Variants in ALK observed in about 807,000 individuals in gnomAD.
ALK encodes the protein ALK tyrosine kinase receptor.
Under a neutral mutation model 163.1 loss-of-function variants are expected in ALK, and 74 were observed. The ratio of observed to expected loss-of-function variants is 0.45; its 90% CI spans 0.38 to 0.55. The LOEUF (loss-of-function observed/expected upper bound fraction) is 0.55. Among genes scored for constraint, ALK ranks in the 20% least tolerant of loss-of-function variants. The pLI, the probability that ALK is intolerant of heterozygous loss-of-function variation, is 0.00. For missense variants in ALK, 2,063 were observed against 2,105.3 expected, an observed-to-expected ratio of 0.98 and a Z score of 0.39; for synonymous variants, 960 against 843.2, an observed-to-expected ratio of 1.14 and a Z score of -2.40.
At chr2:29,831,009 GAAGGGGAAGA>G (rs1386352631) in intron 1 of ALK, among the ~76,000 whole-genome samples, 2 of 48,932 alleles carry the variant, frequency 4.1e-5, no homozygotes, top group Non-Finnish European at 8.7e-5. Context: ...AGAAGAAGAA[GAAGGGGAAGA>G]GGAAGGGGAA....
At chr2:29,821,179 G>A (rs1665038331) in intron 1 of ALK, among the ~76,000 whole-genome samples, 1 of 152,140 alleles carries the variant, frequency 6.6e-6, no homozygotes, top group Non-Finnish European at 1.5e-5. Context: ...TGTTGCCAGA[G>A]GAAGAAGAGG....
chr2:29,500,552 T>C (rs1167053721), intron 4 of ALK, among the ~76,000 whole-genome samples: 1 of 152,138 alleles, frequency 6.6e-6, no homozygotes, highest in African/African-American at 2.4e-5. Context: ...TTCTACCTGG[T>C]CTAGCCTCTT....
At chr2:29,596,395 C>T (rs985100981) in intron 3 of ALK, among the ~76,000 whole-genome samples, 1 of 152,192 alleles carries the variant, frequency 6.6e-6, no homozygotes, top group Non-Finnish European at 1.5e-5. Context: ...GTTGCTGCCA[C>T]CTTCACTCAA....
intron 3 of ALK, among the ~76,000 whole-genome samples, chr2:29,547,164 T>C (rs1001125928): frequency 2.6e-5 from 4 of 152,238 alleles, no homozygotes; most frequent in Non-Finnish European, 4.4e-5. Flanking sequence ...ACAGATCTTT[T>C]CACTTCAGGT....
At chr2:29,274,086 A>G (rs1307718383) in intron 11 of ALK, among the ~76,000 whole-genome samples, 2 of 152,216 alleles carry the variant, frequency 1.3e-5, no homozygotes, top group Admixed American at 1.3e-4. Flanking sequence ...GGATTAGATC[A>G]GGCAGGAATC....
At chr2:29,313,118 G>A (rs1188572532) in intron 8 of ALK, among the ~76,000 whole-genome samples, 1 of 152,202 alleles carries the variant, frequency 6.6e-6, no homozygotes, top group Non-Finnish European at 1.5e-5. Context: ...CTGGTCCCAG[G>A]TGGGCTCTGA....
chr2:29,790,604 G>C (rs940388636), intron 1 of ALK, among the ~76,000 whole-genome samples: 1 of 152,172 alleles, frequency 6.6e-6, no homozygotes, highest in Non-Finnish European at 1.5e-5. Context: ...CTTTCTTTGA[G>C]ATGGAGTCTT....
At chr2:29,431,123 A>G (rs1420358836) in intron 4 of ALK, among the ~76,000 whole-genome samples, 1 of 152,196 alleles carries the variant, frequency 6.6e-6, no homozygotes, top group Non-Finnish European at 1.5e-5. Flanking sequence ...AAGAGCTACA[A>G]AGGACAACAG....
intron 4 of ALK, among the ~76,000 whole-genome samples, chr2:29,528,370 C>A (rs1306360330): frequency 6.6e-6 from 1 of 152,198 alleles, no homozygotes; most frequent in Non-Finnish European, 1.5e-5. Flanking sequence ...ACAATTGCTG[C>A]TGGATTGATC....
intron 4 of ALK, among the ~76,000 whole-genome samples, chr2:29,419,705 TTA>T (rs1177919345): frequency 6.6e-6 from 1 of 151,502 alleles, no homozygotes; most frequent in East Asian, 1.9e-4. Flanking sequence ...ATCGGGAAAG[TTA>T]TATAAACAAA....
At chr2:29,607,567 C>A (rs921739541) in intron 3 of ALK, among the ~76,000 whole-genome samples, 36 of 152,172 alleles carry the variant, frequency 2.4e-4, no homozygotes, top group African/African-American at 8.2e-4. Flanking sequence ...CTCCAGATAG[C>A]TAAAACCAAT....
chr2:29,286,923 A>G (rs1665871369), intron 9 of ALK: 1 of 146,888 alleles, frequency 6.8e-6, no homozygotes, highest in African/African-American at 2.6e-5. Context: ...GTGACACACC[A>G]TCTCATTTTT....
intron 3 of ALK, among the ~76,000 whole-genome samples, chr2:29,565,335 T>A (rs1230828394): frequency 6.6e-6 from 1 of 152,212 alleles, no homozygotes; most frequent in Non-Finnish European, 1.5e-5. Flanking sequence ...GTTAGCTTCC[T>A]ACTGGTGAGC....
chr2:29,537,403 A>T (rs1467357619), intron 3 of ALK, among the ~76,000 whole-genome samples: 2 of 152,222 alleles, frequency 1.3e-5, no homozygotes, highest in African/African-American at 4.8e-5. Flanking sequence ...AAAAGGGCCC[A>T]GGTACGGCTC....
intron 1 of ALK, among the ~76,000 whole-genome samples, chr2:29,866,259 C>A (rs1030764922): frequency 2.6e-5 from 4 of 152,178 alleles, no homozygotes; most frequent in African/African-American, 9.7e-5. Flanking sequence ...TCTGCCACAT[C>A]CTTTCTCATC....
At chr2:29,773,800 A>G (rs573183440) in intron 1 of ALK, among the ~76,000 whole-genome samples, 2 of 152,308 alleles carry the variant, frequency 1.3e-5, no homozygotes, top group South Asian at 4.2e-4. Context: ...TTCAAAGAGG[A>G]AGAGATTAAT....
rs145226807 is a variant in ALK, at chr2:29,758,208, T to G, written c.668-40511A>C. 4.6e-3 allele frequency among the ~76,000 whole-genome samples: 706 copies of G among 151,966 alleles called. 10 individuals carry two copies. The highest frequency in any genetic ancestry group is 0.016 in the African/African-American group (681 of 41,452). ...TGTCTTTTTAGTAGAGACAGGGTTT[T>G]GCTATGTTGGCCAGGCTGGTCTCAA... On this transcript the variant is annotated intron_variant, in intron 1 of 28. Coordinates refer to ENST00000389048, the MANE Select transcript of ALK (RefSeq NM_004304.5).
At chr2:29,889,296 T>C (rs955420866) in intron 1 of ALK, among the ~76,000 whole-genome samples, 1 of 152,068 alleles carries the variant, frequency 6.6e-6, no homozygotes, top group Non-Finnish European at 1.5e-5. Context: ...TCTCTATATA[T>C]ATCACATATA....
At chr2:29,628,841 A>G (rs1246531823) in intron 3 of ALK, among the ~76,000 whole-genome samples, 6 of 152,240 alleles carry the variant, frequency 3.9e-5, no homozygotes, top group South Asian at 2.1e-4. Context: ...AGGAGAGAGC[A>G]TAATAAAACA....
Sources: allele counts gnomAD v4.1 joint callset (sites outside exome capture counted in the v4.1 genomes callset), GRCh38; gene constraint gnomAD v4.1.1; transcripts MANE v1.5; gene names NCBI Gene and HGNC (gene_info 2026-07-23, HGNC 2026-07-21).